CTNNA2: variants seen among roughly 807,000 people sequenced by gnomAD.
CTNNA2 encodes catenin alpha 2, also known as catenin alpha-2.
Under a neutral mutation model 101.0 loss-of-function variants are expected in CTNNA2, and 42 were observed. That is an observed-to-expected ratio of 0.42 (90% CI 0.32 to 0.54). The LOEUF (loss-of-function observed/expected upper bound fraction) is 0.54. CTNNA2 is among the 20% of genes least tolerant of loss of function. The pLI, the probability that CTNNA2 is intolerant of heterozygous loss-of-function variation, is 0.14. For missense variants in CTNNA2, 871 were observed against 1,223.1 expected (o/e 0.71, Z 4.29); for synonymous variants, 450 against 456.4 (o/e 0.99, Z 0.18).
chr2:80,016,615 G>A (rs866964072), intron 7 of CTNNA2, among the ~76,000 whole-genome samples: 1 of 152,326 alleles, frequency 6.6e-6, no homozygotes, highest in African/African-American at 2.4e-5. Flanking sequence ...GCCTTTTCAA[G>A]TGGTTGACTT....
At chr2:80,137,462 A>G (rs573824490) in intron 7 of CTNNA2, among the ~76,000 whole-genome samples, 1 of 152,324 alleles carries the variant, frequency 6.6e-6, no homozygotes, top group South Asian at 2.1e-4. Flanking sequence ...ACAGTGAATT[A>G]GCAAGGCAAT....
intron 1 of CTNNA2, among the ~76,000 whole-genome samples, chr2:79,648,076 T>C (rs1680948752): frequency 6.6e-6 from 1 of 152,198 alleles, no homozygotes; most frequent in Non-Finnish European, 1.5e-5. Context: ...GAGGTGAGGA[T>C]GGGAAGGAAA....
At chr2:80,395,903 T>A (rs1240319573) in intron 8 of CTNNA2, among the ~76,000 whole-genome samples, 1 of 152,196 alleles carries the variant, frequency 6.6e-6, no homozygotes, top group Non-Finnish European at 1.5e-5. Context: ...AAAAAATATT[T>A]CTAGTGACAT....
In CTNNA2 at chr2:80,330,694, T is replaced by C. The variant is rs541399009; in HGVS notation, c.1057-62517T>C. On this transcript the variant is annotated intron_variant, in intron 7 of 18. Transcript: ENST00000402739. The stretch of plus-strand genomic sequence containing the variant: ...AGTGTTAAGCCCTTCAGAAGCTGCC[T>C]TCCAGGGTCTCCACAGGTCCAGGGG... Among the ~76,000 whole-genome samples the C allele has an allele frequency of 1.1e-4, 16 of 152,262 alleles. No individual in the cohort carries two copies. In the South Asian group the frequency reaches 3.3e-3, roughly 32 times the overall value.
chr2:79,644,204 A>AT (rs1680645539), intron 1 of CTNNA2, among the ~76,000 whole-genome samples: 1 of 151,780 alleles, frequency 6.6e-6, no homozygotes, highest in Admixed American at 6.6e-5. Flanking sequence ...CACCTAGCTA[A>AT]TTTTTTTGTA....
intron 15 of CTNNA2, among the ~76,000 whole-genome samples, chr2:80,596,340 C>T (rs112289213): frequency 0.042 from 3,847 of 91,280 alleles, 96 homozygotes; most frequent in Middle Eastern, 0.16. Flanking sequence ...GACGGAGTCT[C>T]GCTCTGTTGC....
intron 3 of CTNNA2, among the ~76,000 whole-genome samples, chr2:79,793,380 CAGTGGGGCTGCACCCCA>C (rs936815515): frequency 1.4e-4 from 21 of 152,326 alleles, no homozygotes; most frequent in African/African-American, 5.1e-4. Context: ...GCTGGGCATG[CAGTGGGGCTGCACCCCA>C]ACTGAGGGTA....
At chr2:80,061,241 G>T (rs934591566) in intron 7 of CTNNA2, among the ~76,000 whole-genome samples, 6 of 152,124 alleles carry the variant, frequency 3.9e-5, no homozygotes, top group Admixed American at 1.3e-4. Flanking sequence ...AGTTAATGAA[G>T]TAAATACAAA....
intron 2 of CTNNA2, among the ~76,000 whole-genome samples, chr2:79,216,563 TC>T (rs942460023): frequency 1.1e-4 from 16 of 145,648 alleles, no homozygotes; most frequent in African/African-American, 3.6e-4. Flanking sequence ...AGATAAGGGG[TC>T]GAGTCATGGA....
At chr2:79,419,190 G>C (rs1678513743) in intron 4 of CTNNA2, among the ~76,000 whole-genome samples, 1 of 152,008 alleles carries the variant, frequency 6.6e-6, no homozygotes, top group Admixed American at 6.6e-5. Context: ...TGTGACCTTA[G>C]GCAATTTATT....
In CTNNA2 at chr2:79,211,657, G is replaced by T. The variant is rs527860568; in HGVS notation, c.-406+13581G>T. Among the ~76,000 whole-genome samples the T allele has an allele frequency of 2.6e-4, 39 of 152,256 alleles. No homozygotes were observed. In the East Asian group the frequency reaches 7.5e-3, roughly 29 times the overall value. On this transcript the variant is annotated intron_variant, in intron 2 of 21. Coordinates refer to the CTNNA2 transcript ENST00000466387. Reference sequence around the variant, plus strand: ...GGAACAGGCCATTTTCATTTCTTTTGTGGTGGAATGTCATCAGTTAAGGCA... The same window carrying T: ...GGAACAGGCCATTTTCATTTCTTTTTTGGTGGAATGTCATCAGTTAAGGCA...
chr2:79,556,721 G>A (rs780058541), intron 1 of CTNNA2, among the ~76,000 whole-genome samples: 118 of 152,052 alleles, frequency 7.8e-4, no homozygotes, highest in Non-Finnish European at 1.2e-3. Flanking sequence ...TAGAATTAGC[G>A]AAGCCTAGCT....
At chr2:80,157,713 G>GA (rs1704068925) in intron 7 of CTNNA2, among the ~76,000 whole-genome samples, 1 of 152,010 alleles carries the variant, frequency 6.6e-6, no homozygotes, top group Non-Finnish European at 1.5e-5. Context: ...CAACCACAGA[G>GA]AAAAAACAGA....
At chr2:79,636,180 G>A (rs1680035296) in intron 1 of CTNNA2, among the ~76,000 whole-genome samples, 1 of 144,894 alleles carries the variant, frequency 6.9e-6, no homozygotes, top group African/African-American at 2.5e-5. Context: ...TGAGGCAGGA[G>A]AATGGCGTGG....
chr2:80,503,711 G>A lies in CTNNA2; in HGVS notation c.1291-41271G>A, dbSNP rs545143393. On this transcript the variant is annotated intron_variant, in intron 9 of 18. Coordinates refer to ENST00000402739, the MANE Select transcript of CTNNA2 (RefSeq NM_001282597.3). ...ATGTGTTTCAAGCTTGGAATGTCCC[G>A]TAAAAAAGGGAAGCTCTGGCCAAAC... is the stretch of plus-strand genomic sequence containing the variant. Among the ~76,000 whole-genome samples the A allele has an allele frequency of 7.4e-4, 113 of 152,184 alleles. 2 individuals carry two copies. The South Asian group carries it at 0.015, about 20-fold the overall frequency.
At chr2:80,215,035 C>G (rs1485366330) in intron 7 of CTNNA2, among the ~76,000 whole-genome samples, 1 of 152,166 alleles carries the variant, frequency 6.6e-6, no homozygotes, top group Non-Finnish European at 1.5e-5. Flanking sequence ...ACCCTTTCTT[C>G]CACTTGATCA....
intron 18 of CTNNA2, among the ~76,000 whole-genome samples, chr2:80,632,908 G>A (rs1672448507): frequency 6.6e-6 from 1 of 152,108 alleles, no homozygotes; most frequent in African/African-American, 2.4e-5. Flanking sequence ...CCCTTTTACA[G>A]TTGAAAAAAT....
intron 3 of CTNNA2, among the ~76,000 whole-genome samples, chr2:79,793,883 C>A (rs1472329991): frequency 8.0e-6 from 1 of 124,384 alleles, no homozygotes; most frequent in Non-Finnish European, 1.6e-5. Context: ...CACACACACA[C>A]TCATGCACAC....
chr2:80,095,687 T>TC (rs1700101374), intron 7 of CTNNA2, among the ~76,000 whole-genome samples: 1 of 152,224 alleles, frequency 6.6e-6, no homozygotes, highest in Non-Finnish European at 1.5e-5. Context: ...CAGAGCCTGT[T>TC]ACTGGTCTAT....
Sources: gnomAD v4.1 joint callset for allele counts (sites outside exome capture counted in the v4.1 genomes callset) on GRCh38, gnomAD v4.1.1 for gene constraint, MANE v1.5 for transcripts, NCBI Gene and HGNC (gene_info 2026-07-23, HGNC 2026-07-21) for gene names.